GPR158: variants seen among roughly 807,000 people sequenced by gnomAD.
GPR158 encodes the protein G protein-coupled receptor 158.
GPR158 carries 30 observed loss-of-function variants against 78.2 expected under a neutral mutation model. The observed-to-expected ratio is 0.38, with a 90% CI of 0.29 to 0.52. The LOEUF is 0.52. GPR158 is among the 20% of genes least tolerant of loss of function. The probability of loss-of-function intolerance (pLI) is 0.83; values close to 1 mark genes in which losing one functional copy is unlikely to be tolerated. For synonymous variants in GPR158, 581 were observed against 591.1 expected, an observed-to-expected ratio of 0.98 and a Z score of 0.25; for missense variants, 1,463 against 1,523.5, an observed-to-expected ratio of 0.96 and a Z score of 0.66.
chr10:25,422,944 A>G (rs1834771553), intron 4 of GPR158, among the ~76,000 whole-genome samples: 1 of 147,736 alleles, frequency 6.8e-6, no homozygotes, highest in African/African-American at 2.5e-5. Context: ...ATGAGTGAGA[A>G]CATACAATGT....
intron 2 of GPR158, among the ~76,000 whole-genome samples, chr10:25,356,792 A>G (rs1283748537): frequency 1.3e-5 from 2 of 152,122 alleles, no homozygotes; most frequent in African/African-American, 4.8e-5. Context: ...ACATGGAATT[A>G]TATGGTAAAT....
In GPR158 at chr10:25,223,692, A is replaced by C. The variant is rs1853333528; in HGVS notation, c.1008+2535A>C. On this transcript the variant is annotated intron_variant, in intron 2 of 10. Transcript: ENST00000376351. ...GTAACAACCCCTCTGTTACCATCCC[A>C]AGGATCGCTGTGTAAACTGGCTTAT... 2.0e-5 allele frequency among the ~76,000 whole-genome samples: 3 copies of C among 152,096 alleles called. No individual in the cohort carries two copies. The South Asian group carries it at 6.2e-4, about 31-fold the overall frequency.
At chr10:25,541,975 T>TTA (rs1554812134) in intron 5 of GPR158, among the ~76,000 whole-genome samples, 1 of 144,780 alleles carries the variant, frequency 6.9e-6, no homozygotes, top group South Asian at 2.3e-4. Context: ...TATATTATAA[T>TTA]TATAAATTAT....
intron 2 of GPR158, among the ~76,000 whole-genome samples, chr10:25,301,910 C>T (rs1483922386): frequency 6.6e-6 from 1 of 152,146 alleles, no homozygotes; most frequent in Non-Finnish European, 1.5e-5. Context: ...CTCTGCCAGG[C>T]AACTGCTGGT....
At chr10:25,534,881 C>T (rs1280671421) in intron 5 of GPR158, among the ~76,000 whole-genome samples, 4 of 122,712 alleles carry the variant, frequency 3.3e-5, no homozygotes, top group Non-Finnish European at 7.3e-5. Flanking sequence ...AAAAAAGTCA[C>T]TTCTCAGCAG....
At chr10:25,249,706 C>T (rs1417068692) in intron 2 of GPR158, among the ~76,000 whole-genome samples, 25 of 151,806 alleles carry the variant, frequency 1.6e-4, no homozygotes, top group South Asian at 8.3e-4. Flanking sequence ...CTGCTGGATT[C>T]GGTTTGCCAG....
chr10:25,483,953 G>GC (rs1298363564), intron 5 of GPR158, among the ~76,000 whole-genome samples: 1 of 152,122 alleles, frequency 6.6e-6, no homozygotes, highest in African/African-American at 2.4e-5. Context: ...TACACATGCA[G>GC]CACACAGAAT....
intron 2 of GPR158, among the ~76,000 whole-genome samples, chr10:25,274,972 A>G (rs1224230167): frequency 6.6e-6 from 1 of 152,144 alleles, no homozygotes; most frequent in South Asian, 2.1e-4. Context: ...ATTAATAGAA[A>G]TGTTTCCTTA....
intron 2 of GPR158, among the ~76,000 whole-genome samples, chr10:25,383,122 G>A (rs1040277307): frequency 3.9e-5 from 6 of 152,210 alleles, no homozygotes; most frequent in African/African-American, 1.2e-4. Context: ...GGCATGAGCC[G>A]CCGCTCCCGG....
intron 5 of GPR158, among the ~76,000 whole-genome samples, chr10:25,497,942 G>A (rs1835905301): frequency 6.6e-6 from 1 of 152,002 alleles, no homozygotes; most frequent in South Asian, 2.1e-4. Flanking sequence ...AACGTTGCTG[G>A]GTTTTAATGT....
chr10:25,323,598 G>A (rs990318273), intron 2 of GPR158, among the ~76,000 whole-genome samples: 1 of 151,698 alleles, frequency 6.6e-6, no homozygotes, highest in Non-Finnish European at 1.5e-5. Flanking sequence ...GCAATCATAG[G>A]TCACTGCAGC....
At chr10:25,471,471 A>G (rs563603551) in intron 5 of GPR158, among the ~76,000 whole-genome samples, 1 of 152,310 alleles carries the variant, frequency 6.6e-6, no homozygotes, top group African/African-American at 2.4e-5. Flanking sequence ...TTGGGTATAT[A>G]CCCAGTAATA....
At chr10:25,577,096 T>C (rs4523593) in intron 7 of GPR158, among the ~76,000 whole-genome samples, 44,775 of 152,004 alleles carry the variant, frequency 0.29, 7,161 homozygotes, top group Non-Finnish European at 0.36. Context: ...ATAAAAGTTT[T>C]CATTTATTTC....
At position 25,314,634 on chromosome 10, in the gene GPR158, GTGAC is replaced by G. The variant is rs1462659385; in HGVS notation, c.1009-81270_1009-81267del. Among the ~76,000 whole-genome samples, 22 of 148,746 alleles carry G rather than the reference GTGAC, an allele frequency of 1.5e-4. 1 individual carries two copies. In the East Asian group the frequency reaches 2.0e-3, roughly 13 times the overall value. On this transcript the variant is annotated intron_variant, in intron 2 of 10. Transcript: ENST00000376351. ...TGTTATTTCCTTCACTTTGTTTCTT[GTGAC>G]TGACTGTTGTTTTTTTTTTAGCTTT...
At chr10:25,406,768 G>C (rs1834521833) in intron 3 of GPR158, among the ~76,000 whole-genome samples, 1 of 151,970 alleles carries the variant, frequency 6.6e-6, no homozygotes, top group African/African-American at 2.4e-5. Context: ...TTACAAAACT[G>C]TATTTAACAT....
In GPR158 at chr10:25,175,938, G is replaced by A. The variant is rs752852266; in HGVS notation, c.518G>A (p.Arg173Gln). ...CTGGAGGGCGAGCCCAGCATCTCCCGGGCGGCCATCACCTTCAGCACCGAT... is the reference window on the plus strand; with the variant it reads ...CTGGAGGGCGAGCCCAGCATCTCCCAGGCGGCCATCACCTTCAGCACCGAT... The part of the protein sequence containing the change: ...SLLEGEPSIS[R>Q]AAITFSTDSL... The change falls in exon 1 of 11, where the codon CGG becomes CAG. Residue 173 changes from arginine (R) to glutamine (Q), a missense_variant. Arg to Gln is a conservative substitution (Grantham distance 43, BLOSUM62 1). Transcript: ENST00000376351. This position sits in a 1 kb window ranked among gnomAD's most constrained non-coding sequence, Gnocchi z 6.4. The A allele has an allele frequency of 1.2e-6, 2 of 1,613,498 alleles. No homozygotes were observed. The highest frequency in any genetic ancestry group is 1.7e-6 in the Non-Finnish European group (2 of 1,179,984).
chr10:25,179,087 A>G (rs1852580314), intron 1 of GPR158, among the ~76,000 whole-genome samples: 1 of 152,242 alleles, frequency 6.6e-6, no homozygotes, highest in African/African-American at 2.4e-5. Context: ...AATTTCATAT[A>G]TTGAGATAAT....
intron 5 of GPR158, among the ~76,000 whole-genome samples, chr10:25,510,809 A>T (rs1836075098): frequency 6.6e-6 from 1 of 152,174 alleles, no homozygotes; most frequent in South Asian, 2.1e-4. Context: ...TTGGTTTCCC[A>T]TTACTGAGTT....
chr10:25,214,858 T>G (rs1853184773), intron 1 of GPR158, among the ~76,000 whole-genome samples: 1 of 152,020 alleles, frequency 6.6e-6, no homozygotes, highest in Non-Finnish European at 1.5e-5. Context: ...GCTGACTCCT[T>G]TATGTTAAAC....
Sources: allele counts gnomAD v4.1 joint callset (sites outside exome capture counted in the v4.1 genomes callset), GRCh38; gene constraint gnomAD v4.1.1; non-coding constraint Gnocchi (gnomAD v3.1); transcripts MANE v1.5; gene names NCBI Gene and HGNC (gene_info 2026-07-23, HGNC 2026-07-21).